GPC3: variants seen among roughly 807,000 people sequenced by gnomAD.
GPC3 encodes the protein glypican-3.
A neutral mutation model predicts 34.4 loss-of-function variants in GPC3; 3 were observed. That is an observed-to-expected ratio of 0.09 (90% confidence interval 0.04 to 0.23). The LOEUF is 0.23. Among genes scored for constraint, GPC3 ranks in the 10% least tolerant of loss-of-function variants. The probability of loss-of-function intolerance (pLI) is 1.00; values close to 1 mark genes in which losing one functional copy is unlikely to be tolerated. For synonymous variants in GPC3, 177 were observed against 174.0 expected, an observed-to-expected ratio of 1.02 and a Z score of -0.13; for missense variants, 351 against 445.6, an observed-to-expected ratio of 0.79 and a Z score of 1.91.
intron 7 of GPC3, among the ~76,000 whole-genome samples, chrX:133,574,704 G>A (rs1301317419): frequency 8.9e-6 from 1 of 112,305 alleles, no homozygotes; most frequent in East Asian, 2.8e-4. Flanking sequence ...AACTAGATCA[G>A]ATCTGTTTAT....
chrX:133,884,752 C>T (rs1482496918), intron 2 of GPC3, among the ~76,000 whole-genome samples: 2 of 111,771 alleles, frequency 1.8e-5, no homozygotes, highest in African/African-American at 6.5e-5. Context: ...TCAAAGCTAG[C>T]ATCTGGCATT....
intron 4 of GPC3, among the ~76,000 whole-genome samples, chrX:133,693,857 G>A (rs2124432422): frequency 8.9e-6 from 1 of 111,746 alleles, no homozygotes; most frequent in South Asian, 3.8e-4. Context: ...TTTTAGAGGT[G>A]AAAATGGACT....
chrX:133,726,592 T>A (rs2071409742), intron 3 of GPC3, among the ~76,000 whole-genome samples: 1 of 110,798 alleles, frequency 9.0e-6, no homozygotes, highest in African/African-American at 3.3e-5. Context: ...TCTTATGGAG[T>A]CCCTCTCAGC....
intron 2 of GPC3, among the ~76,000 whole-genome samples, chrX:133,769,104 A>G (rs2071885613): frequency 8.9e-6 from 1 of 112,311 alleles, no homozygotes; most frequent in Admixed American, 9.5e-5. Flanking sequence ...AACCTGGAGA[A>G]CATTATGCTA....
chrX:133,678,488 T>G (rs959919773), intron 5 of GPC3, among the ~76,000 whole-genome samples: 3 of 111,793 alleles, frequency 2.7e-5, no homozygotes, highest in Admixed American at 1.9e-4. Context: ...TTAGTAGCTG[T>G]AAGAGTCATA....
In GPC3 at chrX:133,745,134, C is replaced by A. The variant is rs930449967; in HGVS notation, c.1032+8348G>T. 5.4e-5 allele frequency among the ~76,000 whole-genome samples: 6 copies of A among 111,591 alleles called. 1 individual carries two copies. Among genetic ancestry groups the A allele is most frequent in the African/African-American group, 1.6e-4 (5 of 30,646 alleles). On this transcript the variant is annotated intron_variant, in intron 3 of 7. Transcript: ENST00000370818. Reference sequence around the variant, plus strand: ...ATGTAACAAACCTGCATGTTCTGCACGTGTATCCCAGAATTTAAAGTTTAT... The same window carrying A: ...ATGTAACAAACCTGCATGTTCTGCAAGTGTATCCCAGAATTTAAAGTTTAT...
chrX:133,538,255 G>A (rs1379028434), intron 7 of GPC3, among the ~76,000 whole-genome samples: 1 of 112,326 alleles, frequency 8.9e-6, no homozygotes, highest in Admixed American at 9.5e-5. Flanking sequence ...GAAGGCCGAG[G>A]TCAGCTGTCA....
At position 133,887,477 on chromosome X, in the gene GPC3, G is replaced by A. The variant is rs2076066676; in HGVS notation, c.337+65573C>T. On this transcript the variant is annotated intron_variant, in intron 2 of 7. Coordinates refer to ENST00000370818, the MANE Select transcript of GPC3 (RefSeq NM_004484.4). ...TGGCCATTTGTATGTCTTCTTTGGA[G>A]AAATATCTATTCAGGTTATTTGCCC... Among the ~76,000 whole-genome samples, 11 of 111,765 alleles carry A rather than the reference G, an allele frequency of 9.8e-5. No individual in the cohort carries two copies. In the South Asian group the frequency reaches 3.8e-3, roughly 38 times the overall value.
chrX:133,982,229 G>T (rs1277405289), intron 1 of GPC3, among the ~76,000 whole-genome samples: 7 of 111,800 alleles, frequency 6.3e-5, no homozygotes, highest in African/African-American at 2.3e-4. Context: ...TGAGCTCATT[G>T]GCTTTTTTCT....
chrX:133,962,007 G>C (rs931068470), intron 1 of GPC3, among the ~76,000 whole-genome samples: 1 of 112,007 alleles, frequency 8.9e-6, no homozygotes, highest in Non-Finnish European at 1.9e-5. Context: ...AAGGGCACAG[G>C]GGTGTGAAAG....
intron 7 of GPC3, among the ~76,000 whole-genome samples, chrX:133,562,760 C>CT (rs1439338264): frequency 9.0e-6 from 1 of 111,641 alleles, no homozygotes; most frequent in Admixed American, 9.5e-5. Context: ...AGATACTAGT[C>CT]TGTTTCCACA....
At chrX:133,687,298 C>T (rs1209364176) in intron 5 of GPC3, among the ~76,000 whole-genome samples, 1 of 103,615 alleles carries the variant, frequency 9.7e-6, no homozygotes, top group Middle Eastern at 4.8e-3. Flanking sequence ...CCTTAGCAGG[C>T]GCAGGAGCTG....
At chrX:133,544,292 C>T (rs1451530374) in intron 7 of GPC3, among the ~76,000 whole-genome samples, 1 of 111,619 alleles carries the variant, frequency 9.0e-6, no homozygotes, top group Non-Finnish European at 1.9e-5. Flanking sequence ...TGGGCTTTGT[C>T]AACTACCACG....
intron 2 of GPC3, among the ~76,000 whole-genome samples, chrX:133,773,708 C>T (rs1056685393): frequency 9.0e-6 from 1 of 111,544 alleles, no homozygotes; most frequent in African/African-American, 3.3e-5. Flanking sequence ...ATGAGGTGGA[C>T]CCTTCATCTT....
chrX:133,739,882 C>A (rs1265788983), intron 3 of GPC3, among the ~76,000 whole-genome samples: 1 of 110,977 alleles, frequency 9.0e-6, no homozygotes, highest in Non-Finnish European at 1.9e-5. Flanking sequence ...GACTTTGTCT[C>A]AATAAATTAA....
intron 2 of GPC3, among the ~76,000 whole-genome samples, chrX:133,780,690 C>A (rs1314029501): frequency 9.0e-6 from 1 of 111,466 alleles, no homozygotes; most frequent in Non-Finnish European, 1.9e-5. Flanking sequence ...AAATGTGGTG[C>A]CTAGCTTAGG....
At position 133,985,284 on chromosome X, in the gene GPC3, G is replaced by A. The variant is rs2076562247; in HGVS notation, c.166C>T (p.Pro56Ser). ...QPGLKWVPETPVPGSDLQVCL... is the reference protein window; with the variant it reads ...QPGLKWVPETSVPGSDLQVCL... Reference sequence around the variant, plus strand: ...AGGGACCCCTCCTCACCTGGCACGGGAGTTTCTGGCACCCACTTGAGTCCG... The same window carrying A: ...AGGGACCCCTCCTCACCTGGCACGGAAGTTTCTGGCACCCACTTGAGTCCG... Residue 56 changes from proline (P) to serine (S), a missense_variant, in exon 1 of 8, where the codon CCC (proline) becomes TCC (serine). Physicochemically the swap from Pro to Ser is moderately conservative, Grantham distance 74. Transcript: ENST00000370818. The A allele has an allele frequency of 2.5e-6, 3 of 1,211,193 alleles. No homozygotes were observed. Among genetic ancestry groups the A allele is most frequent in the Non-Finnish European group, 2.2e-6 (2 of 895,098 alleles).
intron 2 of GPC3, chrX:133,763,719 T>A: frequency 2.1e-6 from 1 of 485,125 alleles, no homozygotes; most frequent in African/African-American, 2.4e-5. Context: ...AACATGGAAA[T>A]AAGGCTGACA....
At chrX:133,985,085 C>G (rs2076560486) in intron 1 of GPC3, among the ~76,000 whole-genome samples, 190 bp downstream of exon 1, 5 of 111,896 alleles carry the variant, frequency 4.5e-5, no homozygotes. Context: ...GATGTGGGCT[C>G]CGTCCACACA....
Sources: allele counts gnomAD v4.1 joint callset (sites outside exome capture counted in the v4.1 genomes callset), GRCh38; gene constraint gnomAD v4.1.1; transcripts MANE v1.5; gene names NCBI Gene and HGNC (gene_info 2026-07-23, HGNC 2026-07-21).